LRP1B: variants seen among roughly 807,000 people sequenced by gnomAD.
LRP1B encodes LDL receptor related protein 1B.
In LRP1B, 217 loss-of-function variants were observed where a neutral mutation model predicts 556.6. The observed-to-expected ratio is 0.39, with a 90% CI of 0.35 to 0.44. The LOEUF is 0.44. Among genes scored for constraint, LRP1B ranks in the 20% least tolerant of loss-of-function variants. The pLI, the probability that LRP1B is intolerant of heterozygous loss-of-function variation, is 1.00. For missense variants in LRP1B, 5,053 were observed against 5,620.8 expected (o/e 0.90, Z 3.23); for synonymous variants, 2,047 against 1,865.8 (o/e 1.10, Z -2.50).
intron 2 of LRP1B, among the ~76,000 whole-genome samples, chr2:141,556,876 C>T (rs764752535): frequency 6.6e-6 from 1 of 151,740 alleles, no homozygotes; most frequent in Non-Finnish European, 1.5e-5. Flanking sequence ...GGTCCCATAG[C>T]AAGTAAGCCA....
At chr2:141,752,549 C>T (rs192909111) in intron 2 of LRP1B, among the ~76,000 whole-genome samples, 11 of 152,026 alleles carry the variant, frequency 7.2e-5, no homozygotes, top group South Asian at 2.1e-4. Flanking sequence ...CTGCCAAAAC[C>T]GGTGGTTCTC....
chr2:141,809,179 C>A (rs907541797), intron 2 of LRP1B, among the ~76,000 whole-genome samples: 1 of 152,004 alleles, frequency 6.6e-6, no homozygotes, highest in Non-Finnish European at 1.5e-5. Context: ...TAAAGCGAAG[C>A]AATTCCTGCA....
chr2:141,412,906 T>C (rs1281995003), intron 3 of LRP1B, among the ~76,000 whole-genome samples: 1 of 152,076 alleles, frequency 6.6e-6, no homozygotes, highest in Middle Eastern at 3.2e-3. Context: ...TTACCTTATA[T>C]GACAAAGAAG....
chr2:140,831,665 G>A (rs1030120765), intron 31 of LRP1B, among the ~76,000 whole-genome samples: 1 of 152,054 alleles, frequency 6.6e-6, no homozygotes, highest in African/African-American at 2.4e-5. Flanking sequence ...AGCAAAAATA[G>A]CAAATGGGAT....
At chr2:141,675,948 T>TA (rs1690858745) in intron 2 of LRP1B, among the ~76,000 whole-genome samples, 1 of 152,022 alleles carries the variant, frequency 6.6e-6, no homozygotes, top group South Asian at 2.1e-4. Flanking sequence ...TATCAAAAGA[T>TA]AAAGTTAGCA....
At chr2:141,215,345 G>A (rs556502212) in intron 6 of LRP1B, among the ~76,000 whole-genome samples, 23 of 152,192 alleles carry the variant, frequency 1.5e-4, no homozygotes, top group Admixed American at 1.1e-3. Flanking sequence ...ATAAATTACC[G>A]AATCTCTGGT....
intron 45 of LRP1B, among the ~76,000 whole-genome samples, chr2:140,537,220 AATAAT>A (rs1392308160): frequency 2.0e-5 from 3 of 147,836 alleles, no homozygotes; most frequent in African/African-American, 7.4e-5. Flanking sequence ...AATATATAAT[AATAAT>A]ATAATAATTA....
intron 65 of LRP1B, among the ~76,000 whole-genome samples, chr2:140,443,891 A>G (rs1686537337): frequency 6.6e-6 from 1 of 152,186 alleles, no homozygotes; most frequent in Admixed American, 6.5e-5. Flanking sequence ...CCCAGATTTT[A>G]TATGTCTCTT....
At chr2:142,067,195 G>A (rs918211189) in intron 1 of LRP1B, among the ~76,000 whole-genome samples, 2 of 151,270 alleles carry the variant, frequency 1.3e-5, no homozygotes, top group African/African-American at 4.8e-5. Flanking sequence ...GATAATCCAG[G>A]ATAAGTCTCT....
intron 87 of LRP1B, among the ~76,000 whole-genome samples, chr2:140,244,809 A>G (rs542079879): frequency 4.5e-4 from 68 of 151,456 alleles, no homozygotes; most frequent in Non-Finnish European, 6.1e-4. Context: ...AGGTCCACTG[A>G]TGATAGAAAT....
At chr2:140,279,102 T>C (rs1682811355) in intron 84 of LRP1B, among the ~76,000 whole-genome samples, 1 of 152,102 alleles carries the variant, frequency 6.6e-6, no homozygotes, top group African/African-American at 2.4e-5. Flanking sequence ...TCTCTCTTTC[T>C]CTCTTTCTTT....
intron 2 of LRP1B, among the ~76,000 whole-genome samples, chr2:141,701,504 G>A (rs986564332): frequency 1.1e-4 from 17 of 151,648 alleles, no homozygotes; most frequent in African/African-American, 4.1e-4. Context: ...GCATATCTGG[G>A]TTCACATCTT....
chr2:141,662,269 TCAA>T (rs1415969230), intron 2 of LRP1B, among the ~76,000 whole-genome samples: 1 of 152,096 alleles, frequency 6.6e-6, no homozygotes, highest in Non-Finnish European at 1.5e-5. Context: ...AGCAACTACA[TCAA>T]CAAGTCTGCA....
chr2:140,752,212 G>A (rs1029468951), intron 35 of LRP1B, among the ~76,000 whole-genome samples: 1 of 152,006 alleles, frequency 6.6e-6, no homozygotes, highest in Non-Finnish European at 1.5e-5. Flanking sequence ...TACTAAGAAG[G>A]CTGAGGCAGA....
intron 86 of LRP1B, among the ~76,000 whole-genome samples, chr2:140,265,872 G>C (rs1160172162): frequency 6.6e-6 from 1 of 151,900 alleles, no homozygotes; most frequent in African/African-American, 2.4e-5. Context: ...TTATTGTCCA[G>C]GGATCATTGA....
At position 140,726,023 on chromosome 2, in the gene LRP1B, C is replaced by T. The variant is rs1169959991; in HGVS notation, c.5759-9207G>A. ...ACAGCCACAACTCAGAGAATTAAAA[C>T]TACTTAGTCACGAGTAGGGTGCAGG... On this transcript the variant is annotated intron_variant, in intron 35 of 90. Transcript: ENST00000389484. 5.3e-5 allele frequency among the ~76,000 whole-genome samples: 8 copies of T among 152,156 alleles called. No homozygotes were observed. In the East Asian group the frequency reaches 1.5e-3, roughly 29 times the overall value.
At chr2:140,962,587 T>C (rs1382682916) in intron 18 of LRP1B, among the ~76,000 whole-genome samples, 1 of 152,088 alleles carries the variant, frequency 6.6e-6, no homozygotes, top group East Asian at 1.9e-4. Context: ...TCACAGAAGT[T>C]ACACCACGAC....
intron 1 of LRP1B, among the ~76,000 whole-genome samples, chr2:141,889,441 A>G (rs914508080): frequency 1.3e-5 from 2 of 152,188 alleles, no homozygotes; most frequent in African/African-American, 2.4e-5. Flanking sequence ...AATGGATGGA[A>G]AGGACTTAAA....
chr2:141,799,789 C>T (rs941517799), intron 2 of LRP1B, among the ~76,000 whole-genome samples: 3 of 128,576 alleles, frequency 2.3e-5, no homozygotes, highest in Admixed American at 7.6e-5. Context: ...GTTTAACAAT[C>T]TGTTTTTAAA....
Sources: gnomAD v4.1 joint callset for allele counts (sites outside exome capture counted in the v4.1 genomes callset) on GRCh38, gnomAD v4.1.1 for gene constraint, MANE v1.5 for transcripts, NCBI Gene and HGNC (gene_info 2026-07-23, HGNC 2026-07-21) for gene names.